Variants in SLC24A3 observed in about 807,000 individuals in gnomAD.
SLC24A3 encodes solute carrier family 24 member 3.
Under a neutral mutation model 75.8 loss-of-function variants are expected in SLC24A3, and 28 were observed. The ratio of observed to expected loss-of-function variants is 0.37; its 90% CI spans 0.27 to 0.51. The LOEUF is 0.51. Among genes scored for constraint, SLC24A3 ranks in the 20% least tolerant of loss-of-function variants. The pLI is 0.94. For missense variants in SLC24A3, 663 were observed against 847.8 expected, an observed-to-expected ratio of 0.78 and a Z score of 2.71; for synonymous variants, 372 against 334.1, an observed-to-expected ratio of 1.11 and a Z score of -1.24.
chr20:19,698,147 G>A (rs373927234), intron 14 of SLC24A3, among the ~76,000 whole-genome samples: 6 of 152,002 alleles, frequency 3.9e-5, no homozygotes, highest in Admixed American at 3.9e-4. Flanking sequence ...CAGATCTCAC[G>A]AGATCTCACT....
At chr20:19,272,923 G>C (rs989204867) in intron 1 of SLC24A3, among the ~76,000 whole-genome samples, 1 of 152,170 alleles carries the variant, frequency 6.6e-6, no homozygotes, top group African/African-American at 2.4e-5. Context: ...AGATGGACAG[G>C]TTTTTGTGAA....
At chr20:19,590,084 A>G (rs2031352460) in intron 6 of SLC24A3, among the ~76,000 whole-genome samples, 1 of 151,696 alleles carries the variant, frequency 6.6e-6, no homozygotes, top group Admixed American at 6.6e-5. Flanking sequence ...AAATGGTGGT[A>G]GCCCCTGCTA....
intron 6 of SLC24A3, among the ~76,000 whole-genome samples, chr20:19,649,070 C>G (rs562527674): frequency 7.9e-5 from 12 of 152,224 alleles, no homozygotes; most frequent in Non-Finnish European, 1.8e-4. Flanking sequence ...ATTTGACTTT[C>G]TTCCCTGCAA....
chr20:19,248,638 C>T (rs1245261855), intron 1 of SLC24A3, among the ~76,000 whole-genome samples: 1 of 152,132 alleles, frequency 6.6e-6, no homozygotes, highest in Admixed American at 6.5e-5. Flanking sequence ...CCAGCAGCTC[C>T]ACTTCTGGGT....
intron 7 of SLC24A3, among the ~76,000 whole-genome samples, chr20:19,662,662 G>A (rs755790814): frequency 6.6e-6 from 1 of 152,196 alleles, no homozygotes; most frequent in Non-Finnish European, 1.5e-5. Flanking sequence ...TTCTACACTA[G>A]TAATACTTAT....
At chr20:19,386,449 A>C (rs932360640) in intron 2 of SLC24A3, among the ~76,000 whole-genome samples, 2 of 152,164 alleles carry the variant, frequency 1.3e-5, no homozygotes, top group African/African-American at 4.8e-5. Context: ...TCCCAGTACT[A>C]TATTGAGTAG....
chr20:19,221,021 C>T (rs1179105639), intron 1 of SLC24A3, among the ~76,000 whole-genome samples: 2 of 152,196 alleles, frequency 1.3e-5, no homozygotes, highest in Admixed American at 1.3e-4. Flanking sequence ...TCTAAGCCTT[C>T]ACCACTAATT....
chr20:19,234,317 G>A (rs1982106085), intron 1 of SLC24A3, among the ~76,000 whole-genome samples: 1 of 152,208 alleles, frequency 6.6e-6, no homozygotes, highest in Admixed American at 6.5e-5. Flanking sequence ...TTTGCTTAAC[G>A]AAGTTGGCAT....
chr20:19,696,660 A>G, intron 13 of SLC24A3, 137 bp from the exon 14 acceptor site: 1 of 624,892 alleles, frequency 1.6e-6, no homozygotes, highest in East Asian at 2.7e-5. Flanking sequence ...CACCCTCTGT[A>G]TTGATACAGA....
chr20:19,453,783 C>T (rs1458621589), intron 2 of SLC24A3, among the ~76,000 whole-genome samples: 1 of 152,204 alleles, frequency 6.6e-6, no homozygotes, highest in East Asian at 1.9e-4. Context: ...AGCTGGCTCC[C>T]TCTCCCCAGA....
At chr20:19,653,852 C>G (rs2032234926) in intron 6 of SLC24A3, among the ~76,000 whole-genome samples, 1 of 152,204 alleles carries the variant, frequency 6.6e-6, no homozygotes, top group Non-Finnish European at 1.5e-5. Context: ...TTCCCGCTAA[C>G]AAAATTGTTG....
chr20:19,228,132 A>G (rs949835862), intron 1 of SLC24A3, among the ~76,000 whole-genome samples: 4 of 152,112 alleles, frequency 2.6e-5, no homozygotes, highest in African/African-American at 9.7e-5. Flanking sequence ...GCTTCTTTAT[A>G]TTTTATTCTT....
Position 19,544,651 on chromosome 20 carries a change from C to A in SLC24A3, c.348+29087C>A, listed in dbSNP as rs117869610. Among the ~76,000 whole-genome samples the A allele has an allele frequency of 2.2e-4, 33 of 152,190 alleles. No individual in the cohort carries two copies. The East Asian group carries it at 5.2e-3, about 24-fold the overall frequency. On this transcript the variant is annotated intron_variant, in intron 3 of 16. Transcript: ENST00000328041. ...AAAGCACAATAAGAAAATTAAAAAT[C>A]TGTTATGCATCTGATAACCACCAGT...
chr20:19,430,338 G>A (rs16980546), intron 2 of SLC24A3, among the ~76,000 whole-genome samples: 2,314 of 152,174 alleles, frequency 0.015, 45 homozygotes, highest in African/African-American at 0.049. Flanking sequence ...TTGGCTCACC[G>A]CTCAGGCAGG....
At chr20:19,536,143 C>T (rs2030392090) in intron 3 of SLC24A3, among the ~76,000 whole-genome samples, 1 of 152,096 alleles carries the variant, frequency 6.6e-6, no homozygotes, top group Admixed American at 6.6e-5. Flanking sequence ...TTATGTGGGG[C>T]TAAAACCACC....
At chr20:19,298,714 T>C (rs896768859) in intron 2 of SLC24A3, among the ~76,000 whole-genome samples, 1 of 152,244 alleles carries the variant, frequency 6.6e-6, no homozygotes, top group Non-Finnish European at 1.5e-5. Flanking sequence ...AAAGATTCCC[T>C]TTGCCAGGCA....
chr20:19,511,973 G>C (rs898548590), intron 2 of SLC24A3, among the ~76,000 whole-genome samples: 14 of 152,146 alleles, frequency 9.2e-5, no homozygotes, highest in Non-Finnish European at 1.5e-4. Flanking sequence ...TGCCCACCCT[G>C]ACCCTGGAGC....
At chr20:19,260,897 T>G (rs940665888) in intron 1 of SLC24A3, among the ~76,000 whole-genome samples, 10 of 152,302 alleles carry the variant, frequency 6.6e-5, no homozygotes, top group Admixed American at 5.9e-4. Context: ...CATCTGGCGG[T>G]AGACAGCCTG....
At chr20:19,269,377 T>C (rs1983258794) in intron 1 of SLC24A3, among the ~76,000 whole-genome samples, 1 of 152,238 alleles carries the variant, frequency 6.6e-6, no homozygotes, top group African/African-American at 2.4e-5. Flanking sequence ...ACCTACCAGA[T>C]GTGTCTCTGT....
Sources: gnomAD v4.1 joint callset for allele counts (sites outside exome capture counted in the v4.1 genomes callset) on GRCh38, gnomAD v4.1.1 for gene constraint, MANE v1.5 for transcripts, NCBI Gene and HGNC (gene_info 2026-07-23, HGNC 2026-07-21) for gene names.